The following ARHGAP10 variants were observed in gnomAD, a reference collection of about 807,000 sequenced individuals.
ARHGAP10 encodes Rho GTPase activating protein 10.
Under a neutral mutation model 108.6 loss-of-function variants are expected in ARHGAP10, and 87 were observed. That is an observed-to-expected ratio of 0.80 (90% CI 0.67 to 0.96). ARHGAP10 has a LOEUF of 0.96. Ranked by LOEUF, ARHGAP10 falls within the 40% of genes least tolerant of loss-of-function variation. The pLI is 0.00. For missense variants in ARHGAP10, 939 were observed against 954.5 expected, an observed-to-expected ratio of 0.98 and a Z score of 0.21; for synonymous variants, 347 against 341.1, an observed-to-expected ratio of 1.02 and a Z score of -0.19.
chr4:147,816,783 A>G (rs1259808698), intron 1 of ARHGAP10, among the ~76,000 whole-genome samples: 1 of 152,220 alleles, frequency 6.6e-6, no homozygotes, highest in Non-Finnish European at 1.5e-5. Flanking sequence ...GGAAAACGTG[A>G]AGGAAAATAT....
intron 15 of ARHGAP10, among the ~76,000 whole-genome samples, chr4:147,948,190 A>T (rs1738460968): frequency 6.6e-6 from 1 of 151,968 alleles, no homozygotes. Flanking sequence ...TATCCGCCTT[A>T]GCCTCCCAAA....
chr4:147,806,484 T>TC (rs1338932936), intron 1 of ARHGAP10, among the ~76,000 whole-genome samples: 2 of 150,552 alleles, frequency 1.3e-5, no homozygotes, highest in Admixed American at 1.3e-4. Context: ...GGGCTTTTTT[T>TC]CTGTTTTTGG....
intron 18 of ARHGAP10, among the ~76,000 whole-genome samples, chr4:148,010,008 A>G (rs1475268528): frequency 6.6e-6 from 1 of 152,216 alleles, no homozygotes; most frequent in African/African-American, 2.4e-5. Flanking sequence ...TTTTGAAATT[A>G]AATTTCCTAT....
chr4:147,945,909 C>G (rs775989023), intron 14 of ARHGAP10, among the ~76,000 whole-genome samples: 2 of 152,156 alleles, frequency 1.3e-5, no homozygotes, highest in Non-Finnish European at 2.9e-5. Flanking sequence ...GCTCCCACCT[C>G]TCATATTGAA....
intron 18 of ARHGAP10, among the ~76,000 whole-genome samples, chr4:148,012,901 A>G (rs542144017): frequency 6.6e-6 from 1 of 150,498 alleles, no homozygotes; most frequent in Non-Finnish European, 1.5e-5. Context: ...GTTCCTTTGT[A>G]GGGGATGGTG....
chr4:147,812,346 G>A (rs1053725779), intron 1 of ARHGAP10, among the ~76,000 whole-genome samples: 2 of 152,142 alleles, frequency 1.3e-5, no homozygotes, highest in Non-Finnish European at 2.9e-5. Context: ...GCCCGTGTCA[G>A]TATGCTCTAG....
intron 13 of ARHGAP10, among the ~76,000 whole-genome samples, chr4:147,925,736 G>A (rs1220049162): frequency 6.6e-6 from 1 of 152,174 alleles, no homozygotes; most frequent in Non-Finnish European, 1.5e-5. Context: ...ACGGATACTA[G>A]TAGAAGACAC....
chr4:148,054,267 A>G (rs1013910494), intron 20 of ARHGAP10, among the ~76,000 whole-genome samples: 2 of 152,208 alleles, frequency 1.3e-5, no homozygotes, highest in Non-Finnish European at 2.9e-5. Flanking sequence ...TCTTTTTCTT[A>G]CAACCTTGAA....
chr4:147,812,616 A>G (rs569406803), intron 1 of ARHGAP10, among the ~76,000 whole-genome samples: 25 of 152,142 alleles, frequency 1.6e-4, no homozygotes, highest in Non-Finnish European at 2.6e-4. Context: ...CTTCTCTTCT[A>G]ATATTTCAAC....
At chr4:147,932,143 A>G (rs1451052932) in intron 13 of ARHGAP10, among the ~76,000 whole-genome samples, 3 of 152,226 alleles carry the variant, frequency 2.0e-5, no homozygotes, top group South Asian at 2.1e-4. Flanking sequence ...CAGAATGGCT[A>G]TTATTAAAAA....
chr4:147,867,886 A>G (rs1018788719), intron 7 of ARHGAP10, among the ~76,000 whole-genome samples: 7 of 130,716 alleles, frequency 5.4e-5, no homozygotes, highest in Non-Finnish European at 8.2e-5. Flanking sequence ...AAAAAAAAAA[A>G]GTTGAGAGTG....
chr4:147,877,714 G>C (rs187834825), intron 8 of ARHGAP10, among the ~76,000 whole-genome samples: 3 of 152,076 alleles, frequency 2.0e-5, no homozygotes, highest in Non-Finnish European at 4.4e-5. Flanking sequence ...GAGCCCTGAT[G>C]GTGGTACTGC....
intron 9 of ARHGAP10, among the ~76,000 whole-genome samples, chr4:147,880,072 A>G (rs916862131): frequency 1.1e-4 from 16 of 152,240 alleles, no homozygotes; most frequent in African/African-American, 3.9e-4. Context: ...TAGTAAGAAA[A>G]GAGCAAGAAG....
At chr4:147,947,116 T>C (rs1179225919) in intron 15 of ARHGAP10, among the ~76,000 whole-genome samples, 1 of 152,162 alleles carries the variant, frequency 6.6e-6, no homozygotes, top group Non-Finnish European at 1.5e-5. Flanking sequence ...TGCAAAGCTC[T>C]TTGAAAAAGA....
chr4:147,830,642 C>T (rs1163341962), intron 3 of ARHGAP10, among the ~76,000 whole-genome samples: 2 of 151,336 alleles, frequency 1.3e-5, no homozygotes, highest in Non-Finnish European at 2.9e-5. Context: ...GCTTCAGCCT[C>T]TTGAGCAGCT....
intron 3 of ARHGAP10, among the ~76,000 whole-genome samples, chr4:147,842,236 G>A (rs1346553441): frequency 1.3e-5 from 2 of 152,092 alleles, no homozygotes; most frequent in Non-Finnish European, 2.9e-5. Flanking sequence ...ATGCCTGGCC[G>A]TGAAACCCTT....
chr4:147,821,644 C>T (rs1440823126), intron 1 of ARHGAP10, among the ~76,000 whole-genome samples: 3 of 152,094 alleles, frequency 2.0e-5, no homozygotes, highest in African/African-American at 7.2e-5. Flanking sequence ...ATATGGGGAG[C>T]CTTTGTATCT....
intron 19 of ARHGAP10, among the ~76,000 whole-genome samples, chr4:148,041,459 G>T (rs1728630848): frequency 6.6e-6 from 1 of 152,230 alleles, no homozygotes; most frequent in Non-Finnish European, 1.5e-5. Flanking sequence ...AAGCAGTTCT[G>T]TTCAAGTGAA....
chr4:147,958,600 C>T (rs1404110986), intron 16 of ARHGAP10, among the ~76,000 whole-genome samples: 1 of 152,160 alleles, frequency 6.6e-6, no homozygotes, highest in African/African-American at 2.4e-5. Flanking sequence ...GAACTGAATG[C>T]TTAGTGGCAT....
Sources: gnomAD v4.1 joint callset for allele counts (sites outside exome capture counted in the v4.1 genomes callset) on GRCh38, gnomAD v4.1.1 for gene constraint, MANE v1.5 for transcripts, NCBI Gene and HGNC (gene_info 2026-07-23, HGNC 2026-07-21) for gene names.